ATAD2: variants seen among roughly 807,000 people sequenced by gnomAD.
ATAD2 encodes the protein ATPase family AAA domain containing 2.
In ATAD2, 62 loss-of-function variants were observed where a neutral mutation model predicts 168.9. The ratio of observed to expected loss-of-function variants is 0.37; its 90% CI spans 0.30 to 0.45. The LOEUF is 0.45. Ranked by LOEUF, ATAD2 falls within the 20% of genes least tolerant of loss-of-function variation. The pLI is 1.00. For synonymous variants in ATAD2, 613 were observed against 571.6 expected (o/e 1.07, Z -1.03); for missense variants, 1,419 against 1,667.8 (o/e 0.85, Z 2.60).
chr8:123,357,779 G>C, intron 11 of ATAD2, 43 bp from the exon 12 acceptor site: 2 of 1,509,244 alleles, frequency 1.3e-6, no homozygotes, highest in South Asian at 2.6e-5. Context: ...CATTTAAAAA[G>C]CAGACTTTTA....
At chr8:123,331,472 T>A (rs559442356) in intron 24 of ATAD2, among the ~76,000 whole-genome samples, 1 of 151,830 alleles carries the variant, frequency 6.6e-6, no homozygotes, top group Non-Finnish European at 1.5e-5. Context: ...ACTCTTGATC[T>A]CAAGTGATCC....
At chr8:123,354,697 G>T (rs964347206) in intron 13 of ATAD2, among the ~76,000 whole-genome samples, 1 of 151,446 alleles carries the variant, frequency 6.6e-6, no homozygotes, top group Non-Finnish European at 1.5e-5. Flanking sequence ...ATTTAGCTGG[G>T]CATGGTGGGG....
At chr8:123,352,845 C>T (rs1452979584) in intron 13 of ATAD2, among the ~76,000 whole-genome samples, 1 of 151,868 alleles carries the variant, frequency 6.6e-6, no homozygotes, top group African/African-American at 2.4e-5. Context: ...GGGAGGATCA[C>T]TTGAGCTCAG....
intron 24 of ATAD2, among the ~76,000 whole-genome samples, chr8:123,329,627 G>C (rs1486397757): frequency 1.3e-5 from 2 of 151,798 alleles, no homozygotes; most frequent in African/African-American, 4.8e-5. Context: ...GCCGGGCATG[G>C]TGGCCGGTGC....
Position 123,357,596 on chromosome 8 carries a change from T to C in ATAD2, c.1523A>G (p.Glu508Gly), listed in dbSNP as rs1828690202. 6.2e-7 allele frequency: 1 copy of C among 1,613,588 alleles called. No individual in the cohort carries two copies. The highest frequency in any genetic ancestry group is 8.5e-7 in the Non-Finnish European group (1 of 1,179,910). ...GADCLSKWVG[E>G]SERQLRLLFD... The stretch of plus-strand genomic sequence containing the variant: ...CAGCAATCGTAGCTGTCTTTCAGAT[T>C]CTCCTACCCATTTACTTAGACAATC... Residue 508 changes from glutamate to glycine, a missense_variant, in exon 12 of 28, where the codon GAA becomes GGA. Coordinates refer to ENST00000287394, the MANE Select transcript of ATAD2 (RefSeq NM_014109.4).
Position 123,396,290 on chromosome 8 carries a change from T to C in ATAD2, c.68A>G (p.Asp23Gly), listed in dbSNP as rs1373790920. 6.2e-7 allele frequency: 1 copy of C among 1,610,884 alleles called. No individual in the cohort carries two copies. The highest frequency in any genetic ancestry group is 1.3e-5 in the African/African-American group (1 of 74,910). ...HSAASATGSL[D>G]LSSDFLSLEH... is the part of the protein sequence containing the mutation. ...CAGACTGAGGAAGTCACTGGACAGG[T>C]CCAAGGAGCCCGTGGCCGAGGCCGC... is the stretch of plus-strand genomic sequence containing the variant. Residue 23 changes from aspartate to glycine, a missense_variant, in exon 1 of 28, where the codon GAC (aspartate) becomes GGC (glycine). Physicochemically the swap from Asp to Gly is moderately conservative, Grantham distance 94. Coordinates refer to ENST00000287394, the MANE Select transcript of ATAD2 (RefSeq NM_014109.4).
intron 2 of ATAD2, among the ~76,000 whole-genome samples, chr8:123,379,430 T>G (rs1015742692): frequency 1.3e-5 from 2 of 152,220 alleles, no homozygotes; most frequent in Non-Finnish European, 2.9e-5. Context: ...AGCTAAGTTA[T>G]AGTCACAAAA....
intron 27 of ATAD2, among the ~76,000 whole-genome samples, chr8:123,322,365 T>C (rs1401105318): frequency 6.6e-6 from 1 of 152,210 alleles, no homozygotes; most frequent in Non-Finnish European, 1.5e-5. Context: ...TGTTCCACTA[T>C]TTATTAAAGA....
At position 123,321,987 on chromosome 8, in the gene ATAD2, C is replaced by CTTTTTTTTTTTTTTT. The variant is rs869048943; in HGVS notation, c.4132-827_4132-813dup. Among the ~76,000 whole-genome samples, 337 of 136,424 alleles carry CTTTTTTTTTTTTTTT rather than the reference C, an allele frequency of 2.5e-3. 16 individuals carry two copies. The highest frequency in any genetic ancestry group is 9.2e-3 in the African/African-American group (323 of 35,086). The allele number at this position is 136,424 out of a possible 152,430, so 89.5% of individuals were successfully genotyped here. ...ATAAAGGAAGATTAAGTACATAAGT[C>CTTTTTTTTTTTTTTT]TTTTTTTTTTTTTTTTGTCATACAG... On this transcript the variant is annotated intron_variant, in intron 27 of 27. Transcript: ENST00000287394.
chr8:123,380,514 A>G lies in ATAD2; in HGVS notation c.320+15T>C, dbSNP rs772998351. 12 of 1,612,038 alleles carry G rather than the reference A, an allele frequency of 7.4e-6. No individual in the cohort carries two copies. The highest frequency in any genetic ancestry group is 1.1e-5 in the South Asian group (1 of 90,600). On this transcript the variant is annotated intron_variant, in intron 2 of 27. Coordinates refer to ENST00000287394, the MANE Select transcript of ATAD2 (RefSeq NM_014109.4). ...TAAAACTATTTTGAATTAGTGTTCA[A>G]CCACCTTGTATTACCTTGTAAAATG...
Position 123,371,687 on chromosome 8 carries a change from A to T in ATAD2, c.519T>A (p.Phe173Leu). 6.2e-7 allele frequency: 1 copy of T among 1,600,702 alleles called. No homozygotes were observed. The highest frequency in any genetic ancestry group is 2.2e-5 in the East Asian group (1 of 44,766). ...RYSGVNQSMLFDKLITNTAEA... is the reference protein window; with the variant it reads ...RYSGVNQSMLLDKLITNTAEA... ...TTACTTACTTAGTTATAAGTTTGTCAAACAGCATGGACTGGTTTACACCAC... is the reference window on the plus strand; with the variant it reads ...TTACTTACTTAGTTATAAGTTTGTCTAACAGCATGGACTGGTTTACACCAC... Residue 173 changes from phenylalanine to leucine, a missense_variant, in exon 4 of 28, where the codon TTT becomes TTA. Physicochemically the swap from Phe to Leu is conservative, Grantham distance 22 (BLOSUM62 0). This residue lies in a region of ATAD2 where 419 missense variants were observed against 423.5 expected (regional missense o/e 0.99). Coordinates refer to ENST00000287394, the MANE Select transcript of ATAD2 (RefSeq NM_014109.4).
chr8:123,401,460 C>A, intron 1 of ATAD2: 1 of 1,509,502 alleles, frequency 6.6e-7, no homozygotes, highest in Non-Finnish European at 9.2e-7. Context: ...GTACTCCCAC[C>A]TCCAGGTGAT....
chr8:123,325,246 A>C (rs2131273688), intron 26 of ATAD2, among the ~76,000 whole-genome samples: 1 of 150,018 alleles, frequency 6.7e-6, no homozygotes, highest in Non-Finnish European at 1.5e-5. Flanking sequence ...ACAGGTGCCC[A>C]CCACCACACC....
intron 1 of ATAD2, among the ~76,000 whole-genome samples, chr8:123,395,215 G>A (rs1308510889): frequency 2.0e-5 from 3 of 152,030 alleles, no homozygotes; most frequent in Non-Finnish European, 4.4e-5. Context: ...TATATTACTT[G>A]CTGCCTTAAC....
At chr8:123,408,440 A>G (rs1813099766) in intron 1 of ATAD2, among the ~76,000 whole-genome samples, 1 of 152,224 alleles carries the variant, frequency 6.6e-6, no homozygotes, top group Non-Finnish European at 1.5e-5. Context: ...TGCGGGGCAG[A>G]GATTATTCAT....
At chr8:123,408,661 C>T (rs1020265379) in intron 1 of ATAD2, among the ~76,000 whole-genome samples, 6 of 152,082 alleles carry the variant, frequency 3.9e-5, no homozygotes, top group Non-Finnish European at 7.4e-5. Flanking sequence ...AGATTACAGG[C>T]GCCTGCCACC....
rs115457424 is a variant in ATAD2 at position 123,334,733 on chromosome 8, G to C, written c.3212-411C>G. On this transcript the variant is annotated intron_variant, in intron 22 of 27. Coordinates refer to ENST00000287394, the MANE Select transcript of ATAD2 (RefSeq NM_014109.4). ...TGCATTGACAAAGAAAATAGACAAA[G>C]ACAATGAAAAAGCAACCCTCCACAG... 2.4e-3 allele frequency among the ~76,000 whole-genome samples: 360 copies of C among 152,272 alleles called. 2 individuals are homozygous for C. The highest frequency in any genetic ancestry group is 8.1e-3 in the African/African-American group (337 of 41,564).
chr8:123,379,819 C>T (rs1586897480), intron 2 of ATAD2, among the ~76,000 whole-genome samples: 1 of 151,498 alleles, frequency 6.6e-6, no homozygotes, highest in Non-Finnish European at 1.5e-5. Flanking sequence ...CTGCCTGCCT[C>T]GGTCTCCCAA....
rs149641613 is a variant in ATAD2 at position 123,394,755 on chromosome 8, T to C, written c.171+1432A>G. On this transcript the variant is annotated intron_variant, in intron 1 of 27. Transcript: ENST00000287394. The stretch of plus-strand genomic sequence containing the variant: ...TAATCAATCAGTATTGAAACACATT[T>C]TCTGAACACAGGTTAAGTCAAGTAA... 4.6e-3 allele frequency among the ~76,000 whole-genome samples: 708 copies of C among 152,364 alleles called. 4 individuals carry two copies. The highest frequency in any genetic ancestry group is 0.016 in the African/African-American group (648 of 41,588).
Sources: gnomAD v4.1 joint callset for allele counts (sites outside exome capture counted in the v4.1 genomes callset) on GRCh38, gnomAD v4.1.1 for gene constraint, gnomAD v4.1.1 regional missense constraint, MANE v1.5 for transcripts, NCBI Gene and HGNC (gene_info 2026-07-23, HGNC 2026-07-21) for gene names.